NEBL: variants seen among roughly 807,000 people sequenced by gnomAD.
NEBL encodes nebulette, also known as LIM and SH3 protein 2.
NEBL carries 122 observed loss-of-function variants against 140.2 expected under a neutral mutation model. The observed-to-expected ratio is 0.87, with a 90% confidence interval of 0.75 to 1.01. The LOEUF is 1.01. Ranked by LOEUF, NEBL falls within the 50% of genes least tolerant of loss-of-function variation. NEBL has a pLI of 0.00. For missense variants in NEBL, 1,365 were observed against 1,231.3 expected (o/e 1.11, Z -1.62); for synonymous variants, 436 against 398.9 (o/e 1.09, Z -1.11).
At chr10:20,870,663 G>GC (rs1844831196) in intron 5 of NEBL, among the ~76,000 whole-genome samples, 1 of 152,102 alleles carries the variant, frequency 6.6e-6, no homozygotes, top group Non-Finnish European at 1.5e-5. Context: ...ATGTTCAAAG[G>GC]CCCATGCCTA....
intron 3 of NEBL, among the ~76,000 whole-genome samples, chr10:20,979,070 G>GA (rs367935230): frequency 1.0e-4 from 15 of 150,320 alleles, no homozygotes; most frequent in East Asian, 5.8e-4. Flanking sequence ...AATATTAGAT[G>GA]AAAAAAAAAG....
At chr10:21,065,093 C>T (rs1349345276) in intron 2 of NEBL, among the ~76,000 whole-genome samples, 6 of 152,072 alleles carry the variant, frequency 3.9e-5, no homozygotes, top group Admixed American at 3.9e-4. Flanking sequence ...ATAAGATTTT[C>T]TTCTTGATAG....
chr10:21,120,046 G>T (rs1384002949), intron 2 of NEBL, among the ~76,000 whole-genome samples: 1 of 152,010 alleles, frequency 6.6e-6, no homozygotes, highest in Non-Finnish European at 1.5e-5. Context: ...GGTAAATGAT[G>T]TCAATTTGTT....
chr10:21,216,267 G>C (rs535449491), intron 3 of NEBL, among the ~76,000 whole-genome samples: 48 of 152,270 alleles, frequency 3.2e-4, no homozygotes, highest in African/African-American at 1.1e-3. Flanking sequence ...CCAAGTGCCT[G>C]TGGCTACTTC....
At chr10:21,135,034 C>T (rs1036170851) in intron 2 of NEBL, among the ~76,000 whole-genome samples, 2 of 152,156 alleles carry the variant, frequency 1.3e-5, no homozygotes, top group Admixed American at 6.5e-5. Flanking sequence ...TCGAGGGCAA[C>T]GTTTGTCCAG....
chr10:21,054,592 T>G (rs1177832941), intron 2 of NEBL, among the ~76,000 whole-genome samples: 1 of 152,234 alleles, frequency 6.6e-6, no homozygotes, highest in African/African-American at 2.4e-5. Flanking sequence ...TCTAAGCCAT[T>G]TTCAATTCAT....
intron 19 of NEBL, among the ~76,000 whole-genome samples, chr10:20,819,738 T>C (rs935994419): frequency 6.6e-6 from 1 of 152,148 alleles, no homozygotes; most frequent in Non-Finnish European, 1.5e-5. Flanking sequence ...TGTTGTTTTA[T>C]TTTTGAGACA....
chr10:21,281,947 T>G (rs1842998554), intron 1 of NEBL, among the ~76,000 whole-genome samples: 1 of 152,212 alleles, frequency 6.6e-6, no homozygotes, highest in South Asian at 2.1e-4. Flanking sequence ...TCTTTTTAAG[T>G]AATACACGTG....
chr10:21,290,795 A>G (rs980327127), intron 1 of NEBL, among the ~76,000 whole-genome samples: 8 of 152,070 alleles, frequency 5.3e-5, no homozygotes, highest in African/African-American at 1.9e-4. Context: ...CCTTAAAAGT[A>G]CCTACACCCC....
intron 3 of NEBL, chr10:20,961,889 T>C: frequency 1.2e-6 from 1 of 808,368 alleles, no homozygotes; most frequent in South Asian, 1.4e-5. Context: ...AAAACACAGA[T>C]CTCAGCCGGA....
At chr10:21,196,098 G>A (rs1841642895) in intron 3 of NEBL, among the ~76,000 whole-genome samples, 1 of 152,022 alleles carries the variant, frequency 6.6e-6, no homozygotes, top group African/African-American at 2.4e-5. Context: ...CTGACTCCCG[G>A]GTTCAAGTGA....
In NEBL at chr10:21,187,028, G is replaced by A. The variant is rs529644069; in HGVS notation, n.349-14551C>T. Among the ~76,000 whole-genome samples the A allele has an allele frequency of 5.8e-4, 81 of 139,252 alleles. 1 individual carries two copies. The highest frequency in any genetic ancestry group is 3.8e-3 in the Middle Eastern group (1 of 260). The allele number at this position is 139,252 out of a possible 152,430, so 91.4% of individuals were successfully genotyped here. ...TGTGTGTGTGTGTGTGTGTGTGTGT[G>A]TATACATATGTATATGTAATAAGTT... On this transcript the variant is annotated intron_variant and non_coding_transcript_variant, in intron 3 of 8. Coordinates refer to the NEBL transcript ENST00000675702.
intron 4 of NEBL, among the ~76,000 whole-genome samples, chr10:20,943,383 C>A (rs375857274): frequency 6.6e-6 from 1 of 152,056 alleles, no homozygotes; most frequent in Non-Finnish European, 1.5e-5. Flanking sequence ...AGGTGGGAAC[C>A]GAACAATGAG....
chr10:21,070,224 G>T (rs141585606), intron 2 of NEBL, among the ~76,000 whole-genome samples: 1 of 152,122 alleles, frequency 6.6e-6, no homozygotes, highest in Non-Finnish European at 1.5e-5. Context: ...CCCTTGAGTC[G>T]TCAGGACCTC....
At chr10:20,806,723 T>C (rs1286719775) in intron 26 of NEBL, among the ~76,000 whole-genome samples, 2 of 152,200 alleles carry the variant, frequency 1.3e-5, no homozygotes, top group Admixed American at 1.3e-4. Context: ...CATTGCCAGA[T>C]CTAAGCTCTT....
intron 2 of NEBL, among the ~76,000 whole-genome samples, chr10:21,151,883 C>T (rs1222432335): frequency 2.0e-5 from 3 of 152,110 alleles, no homozygotes; most frequent in Non-Finnish European, 4.4e-5. Flanking sequence ...AGAACATATC[C>T]GTTTCTAATA....
At chr10:21,211,722 A>C (rs1841918195) in intron 3 of NEBL, among the ~76,000 whole-genome samples, 1 of 152,188 alleles carries the variant, frequency 6.6e-6, no homozygotes, top group South Asian at 2.1e-4. Flanking sequence ...TTTTGTTGTG[A>C]CAAATGTTTG....
At chr10:21,046,972 G>A (rs1589170999) in intron 2 of NEBL, among the ~76,000 whole-genome samples, 1 of 151,974 alleles carries the variant, frequency 6.6e-6, no homozygotes, top group Admixed American at 6.6e-5. Flanking sequence ...CATTTTGGAT[G>A]GGGAAAAAAA....
intron 3 of NEBL, among the ~76,000 whole-genome samples, chr10:21,198,177 A>G (rs977129304): frequency 6.6e-6 from 1 of 152,100 alleles, no homozygotes; most frequent in African/African-American, 2.4e-5. Context: ...CCTGTATTTC[A>G]CAGCTGTCTG....
Sources: allele counts gnomAD v4.1 joint callset (sites outside exome capture counted in the v4.1 genomes callset), GRCh38; gene constraint gnomAD v4.1.1; transcripts MANE v1.5; gene names NCBI Gene and HGNC (gene_info 2026-07-23, HGNC 2026-07-21).